The following PCDH9 variants were observed in gnomAD, a reference collection of about 807,000 sequenced individuals.
The protein encoded by PCDH9 is protocadherin-9.
Under a neutral mutation model 70.6 loss-of-function variants are expected in PCDH9, and 24 were observed. The ratio of observed to expected loss-of-function variants is 0.34; its 90% CI spans 0.25 to 0.48. The LOEUF (loss-of-function observed/expected upper bound fraction) is 0.48, where lower values mean the gene tolerates loss of function less well. PCDH9 is among the 20% of genes least tolerant of loss of function. The pLI, the probability that PCDH9 is intolerant of heterozygous loss-of-function variation, is 0.99. For missense variants in PCDH9, 1,281 were observed against 1,503.6 expected (o/e 0.85, Z 2.45); for synonymous variants, 562 against 558.5 (o/e 1.01, Z -0.09).
intron 2 of PCDH9, among the ~76,000 whole-genome samples, chr13:67,114,441 T>C (rs1263170105): frequency 6.6e-6 from 1 of 152,202 alleles, no homozygotes; most frequent in Non-Finnish European, 1.5e-5. Context: ...AAAAATATTT[T>C]CACTTACTTT....
At chr13:66,935,637 T>C (rs1400459332) in intron 2 of PCDH9, among the ~76,000 whole-genome samples, 1 of 152,154 alleles carries the variant, frequency 6.6e-6, no homozygotes, top group Non-Finnish European at 1.5e-5. Context: ...ATTTTTTTAT[T>C]ACAAAATAGA....
intron 3 of PCDH9, chr13:66,825,334 C>CT (rs11375050): frequency 0.43 from 44,327 of 103,676 alleles, 11,568 homozygotes; most frequent in East Asian, 0.55. Flanking sequence ...GTTATAAAAA[C>CT]TTTTTTTTTT....
At chr13:66,751,780 T>G (rs1054609622) in intron 3 of PCDH9, among the ~76,000 whole-genome samples, 1 of 152,202 alleles carries the variant, frequency 6.6e-6, no homozygotes. Flanking sequence ...AATTAGAATG[T>G]AAATAGTTAC....
chr13:66,543,107 T>G (rs998222655), intron 4 of PCDH9, among the ~76,000 whole-genome samples: 9 of 152,086 alleles, frequency 5.9e-5, no homozygotes, highest in African/African-American at 2.2e-4. Flanking sequence ...CCATTCTATA[T>G]TCTCATTAAC....
intron 4 of PCDH9, among the ~76,000 whole-genome samples, chr13:66,315,975 A>G (rs1281446953): frequency 6.6e-6 from 1 of 152,206 alleles, no homozygotes; most frequent in Non-Finnish European, 1.5e-5. Flanking sequence ...TCACTGGGCT[A>G]AAGTCAAGGT....
chr13:66,600,849 G>A (rs1383479816), intron 4 of PCDH9, among the ~76,000 whole-genome samples: 4 of 143,338 alleles, frequency 2.8e-5, no homozygotes, highest in Non-Finnish European at 6.3e-5. Flanking sequence ...CTAGATTTAT[G>A]CATAAAGGCA....
intron 4 of PCDH9, among the ~76,000 whole-genome samples, chr13:66,307,041 C>T (rs898252472): frequency 2.0e-5 from 3 of 152,012 alleles, no homozygotes; most frequent in South Asian, 2.1e-4. Flanking sequence ...CAGCTTATGT[C>T]CCACACACCA....
intron 2 of PCDH9, among the ~76,000 whole-genome samples, chr13:66,982,431 C>T (rs1401555741): frequency 2.6e-5 from 4 of 152,138 alleles, no homozygotes; most frequent in Non-Finnish European, 5.9e-5. Context: ...CATAATTACA[C>T]CAAGTATGTA....
At chr13:67,194,822 G>C (rs987144910) in intron 2 of PCDH9, among the ~76,000 whole-genome samples, 1 of 152,116 alleles carries the variant, frequency 6.6e-6, no homozygotes, top group Non-Finnish European at 1.5e-5. Flanking sequence ...GAACTACTCA[G>C]CAGTTAGAGT....
chr13:66,783,714 T>C (rs1368082910), intron 3 of PCDH9, among the ~76,000 whole-genome samples: 1 of 152,182 alleles, frequency 6.6e-6, no homozygotes, highest in Admixed American at 6.6e-5. Flanking sequence ...AGATGATCTT[T>C]CTGTTATACT....
intron 3 of PCDH9, among the ~76,000 whole-genome samples, chr13:66,732,414 A>T (rs1281756213): frequency 3.3e-5 from 5 of 152,002 alleles, no homozygotes; most frequent in Non-Finnish European, 5.9e-5. Flanking sequence ...ATATATATTG[A>T]CCTGACTCAA....
intron 3 of PCDH9, among the ~76,000 whole-genome samples, chr13:66,844,584 CAA>C (rs5804301): frequency 6.0e-5 from 7 of 117,466 alleles, no homozygotes; most frequent in Non-Finnish European, 5.3e-5. Context: ...GACTCTGTCT[CAA>C]AAAAAAAAAA....
chr13:67,224,068 T>A (rs2089791748), intron 2 of PCDH9: 1 of 152,270 alleles, frequency 6.6e-6, no homozygotes, highest in African/African-American at 2.4e-5. Flanking sequence ...ATAAAAACTC[T>A]TGATTCTCCA....
At chr13:66,682,067 A>C (rs1303416978) in intron 3 of PCDH9, among the ~76,000 whole-genome samples, 2 of 151,558 alleles carry the variant, frequency 1.3e-5, no homozygotes, top group African/African-American at 4.8e-5. Context: ...AGGACCTAAA[A>C]AATAGTTATC....
chr13:66,397,662 T>C (rs1374056898), intron 4 of PCDH9, among the ~76,000 whole-genome samples: 2 of 151,598 alleles, frequency 1.3e-5, no homozygotes, highest in East Asian at 1.9e-4. Flanking sequence ...TGTACATTTA[T>C]ATATTTTTTA....
chr13:66,649,467 T>A (rs765055177), intron 3 of PCDH9, among the ~76,000 whole-genome samples: 1 of 151,834 alleles, frequency 6.6e-6, no homozygotes, highest in African/African-American at 2.4e-5. Context: ...AACAAAAACA[T>A]CCTTCAAACA....
intron 4 of PCDH9, among the ~76,000 whole-genome samples, chr13:66,488,256 C>G (rs191505162): frequency 6.6e-6 from 1 of 152,104 alleles, no homozygotes. Flanking sequence ...TACAAAACGA[C>G]CTAATGACCT....
At chr13:66,848,573 A>T (rs1222712816) in intron 3 of PCDH9, among the ~76,000 whole-genome samples, 1 of 152,170 alleles carries the variant, frequency 6.6e-6, no homozygotes, top group Non-Finnish European at 1.5e-5. Flanking sequence ...AAATCTTATC[A>T]TCAGTATGCA....
intron 3 of PCDH9, among the ~76,000 whole-genome samples, chr13:66,674,736 T>C (rs1181908996): frequency 6.6e-6 from 1 of 152,126 alleles, no homozygotes; most frequent in Non-Finnish European, 1.5e-5. Context: ...TAAATGCATG[T>C]CTTTAATGTA....
Sources: gnomAD v4.1 joint callset for allele counts (sites outside exome capture counted in the v4.1 genomes callset) on GRCh38, gnomAD v4.1.1 for gene constraint, MANE v1.5 for transcripts, NCBI Gene and HGNC (gene_info 2026-07-23, HGNC 2026-07-21) for gene names.